Variants in NXPE2 observed in about 807,000 individuals in gnomAD.
NXPE2 encodes neurexophilin and PC-esterase domain family member 2, also known as NXPE family member 2.
A neutral mutation model predicts 34.4 loss-of-function variants in NXPE2; 34 were observed. The observed-to-expected ratio is 0.99, with a 90% CI of 0.75 to 1.31. NXPE2 has a LOEUF of 1.31. Among genes scored for constraint, NXPE2 ranks in the 40% most tolerant of loss-of-function variants. The pLI, the probability that NXPE2 is intolerant of heterozygous loss-of-function variation, is 0.00. For synonymous variants in NXPE2, 235 were observed against 231.3 expected (o/e 1.02, Z -0.15); for missense variants, 649 against 672.5 (o/e 0.97, Z 0.39).
In NXPE2 at chr11:114,705,983, A is replaced by C. The variant is rs1451557979; in HGVS notation, c.1131A>C (p.Gln377His). The change falls in exon 5 of 6, where the codon CAA (glutamine) becomes CAC (histidine). Residue 377 changes from glutamine to histidine, a missense_variant. Physicochemically the swap from Gln to His is conservative, Grantham distance 24. Transcript: ENST00000389586. ...STLHQWIYYLQKAVKTLKYFD... is the reference protein window; with the variant it reads ...STLHQWIYYLHKAVKTLKYFD... ...TGCATCAGTGGATTTACTACTTACA[A>C]AAAGCTGTGAAAAGTATGTATTTAA... 7.3e-6 allele frequency: 10 copies of C among 1,362,940 alleles called. No individual in the cohort carries two copies. The allele number at this position is 1,362,940 out of a possible 1,614,324, so 84.4% of individuals were successfully genotyped here.
the NXPE2 span, among the ~76,000 whole-genome samples, chr11:114,643,807 G>A: frequency 2.0e-3 from 304 of 152,058 alleles, 1 homozygote; most frequent in African/African-American, 7.1e-3. Context: ...AAGAAAGTCT[G>A]TGGTAGCTTG....
the NXPE2 span, among the ~76,000 whole-genome samples, chr11:114,591,269 T>C: frequency 6.6e-6 from 1 of 152,218 alleles, no homozygotes; most frequent in African/African-American, 2.4e-5. Flanking sequence ...AACATTTACA[T>C]TGACTCCAAG....
chr11:114,627,203 A>G, the NXPE2 span, among the ~76,000 whole-genome samples: 1 of 152,076 alleles, frequency 6.6e-6, no homozygotes, highest in Admixed American at 6.6e-5. Context: ...GAGCAACCCC[A>G]AGACACATAA....
the NXPE2 span, among the ~76,000 whole-genome samples, chr11:114,478,734 A>T: frequency 6.6e-6 from 1 of 152,176 alleles, no homozygotes; most frequent in African/African-American, 2.4e-5. Flanking sequence ...TATCTCAACA[A>T]AGGAAGGCAT....
chr11:114,626,664 T>A, the NXPE2 span, among the ~76,000 whole-genome samples: 2 of 152,180 alleles, frequency 1.3e-5, no homozygotes, highest in East Asian at 3.8e-4. Flanking sequence ...AGAACAAAGC[T>A]GGACGGAGAA....
the NXPE2 span, among the ~76,000 whole-genome samples, chr11:114,624,437 T>C: frequency 1.1e-4 from 16 of 152,156 alleles, no homozygotes; most frequent in African/African-American, 2.9e-4. Context: ...ATAATAATTA[T>C]TGCCTCATGG....
At chr11:114,752,488 A>C in the NXPE2 span, among the ~76,000 whole-genome samples, 1 of 152,222 alleles carries the variant, frequency 6.6e-6, no homozygotes, top group East Asian at 1.9e-4. Context: ...GTAGGAGAGC[A>C]AGGGTGGAAT....
chr11:114,521,678 G>T, the NXPE2 span: 1 of 313,192 alleles, frequency 3.2e-6, no homozygotes, highest in Non-Finnish European at 5.9e-6. Context: ...AAAGCATCAT[G>T]AATTTGTACA....
the NXPE2 span, among the ~76,000 whole-genome samples, chr11:114,601,882 AATTATATATTATATTT>A: frequency 1.6e-3 from 2 of 1,278 alleles, no homozygotes; most frequent in African/African-American, 4.8e-3. Context: ...TATTATATAT[AATTATATATTATATTT>A]ATATATATTA....
At chr11:114,507,247 C>CAAAAAAAAAAA in the NXPE2 span, among the ~76,000 whole-genome samples, 1 of 91,418 alleles carries the variant, frequency 1.1e-5, no homozygotes, top group Non-Finnish European at 2.4e-5. Context: ...GCCAACCAAC[C>CAAAAAAAAAAA]AAAAAAAAAA....
the NXPE2 span, among the ~76,000 whole-genome samples, chr11:114,627,165 A>G: frequency 2.0e-5 from 3 of 152,208 alleles, no homozygotes; most frequent in East Asian, 5.8e-4. Context: ...GGAAATACAG[A>G]GAACGCCACA....
At chr11:114,802,672 C>G in the NXPE2 span, among the ~76,000 whole-genome samples, 146,706 of 152,200 alleles carry the variant, frequency 0.96, 70,945 homozygotes, top group Middle Eastern at 1. Flanking sequence ...ACCTGTGATA[C>G]GCAGCCTTTT....
chr11:114,765,735 A>G, the NXPE2 span, among the ~76,000 whole-genome samples: 2 of 152,112 alleles, frequency 1.3e-5, no homozygotes, highest in Non-Finnish European at 2.9e-5. Context: ...TTCTCCTCCT[A>G]TCCTCTGAGA....
At chr11:114,637,204 T>G in the NXPE2 span, among the ~76,000 whole-genome samples, 6 of 152,092 alleles carry the variant, frequency 3.9e-5, no homozygotes, top group South Asian at 4.2e-4. Flanking sequence ...GTTGATCCCT[T>G]TACCATTAAG....
At chr11:114,525,745 C>A in the NXPE2 span, among the ~76,000 whole-genome samples, 2 of 152,116 alleles carry the variant, frequency 1.3e-5, no homozygotes, top group African/African-American at 4.8e-5. Flanking sequence ...CTTGCTTGCC[C>A]GCCCTGTAGG....
At chr11:114,671,279 G>C in the NXPE2 span, among the ~76,000 whole-genome samples, 1 of 151,224 alleles carries the variant, frequency 6.6e-6, no homozygotes, top group Non-Finnish European at 1.5e-5. Flanking sequence ...AATATAAATA[G>C]ATCTTTAGAG....
the NXPE2 span, among the ~76,000 whole-genome samples, chr11:114,515,907 G>T: frequency 1.3e-5 from 2 of 152,154 alleles, no homozygotes; most frequent in African/African-American, 4.8e-5. Flanking sequence ...GATTTAGAGG[G>T]GACCTAATGG....
At chr11:114,710,357 C>T (rs1859590179), downstream of NXPE2, among the ~76,000 whole-genome samples, 1 of 151,860 alleles carries the variant, frequency 6.6e-6, no homozygotes, top group Non-Finnish European at 1.5e-5. Flanking sequence ...CATAGCTAGA[C>T]TAAGAAAAAT....
chr11:114,617,499 C>T, the NXPE2 span, among the ~76,000 whole-genome samples: 1 of 152,088 alleles, frequency 6.6e-6, no homozygotes, highest in Non-Finnish European at 1.5e-5. Flanking sequence ...TGGGTAACCA[C>T]TGTTAACCGG....
Sources: allele counts gnomAD v4.1 joint callset (sites outside exome capture counted in the v4.1 genomes callset), GRCh38; gene constraint gnomAD v4.1.1; transcripts MANE v1.5; gene names NCBI Gene and HGNC (gene_info 2026-07-23, HGNC 2026-07-21).